The following FRMD4B variants were observed in gnomAD, a reference collection of about 807,000 sequenced individuals.
FRMD4B encodes the protein FERM domain-containing protein 4B.
Under a neutral mutation model 141.5 loss-of-function variants are expected in FRMD4B, and 74 were observed. That is an observed-to-expected ratio of 0.52 (90% CI 0.43 to 0.63). FRMD4B has a LOEUF of 0.63. Among genes scored for constraint, FRMD4B ranks in the 30% least tolerant of loss-of-function variants. The pLI, the probability that FRMD4B is intolerant of heterozygous loss-of-function variation, is 0.00. For synonymous variants in FRMD4B, 506 were observed against 467.9 expected (o/e 1.08, Z -1.05); for missense variants, 1,366 against 1,253.4 (o/e 1.09, Z -1.36).
intron 1 of FRMD4B, among the ~76,000 whole-genome samples, chr3:69,507,816 A>G (rs1012504453): frequency 3.3e-5 from 5 of 152,204 alleles, no homozygotes; most frequent in African/African-American, 1.2e-4. Context: ...CCTAAAAAAA[A>G]TTGTCAGAGT....
intron 1 of FRMD4B, among the ~76,000 whole-genome samples, chr3:69,337,808 C>T (rs1410898290): frequency 6.6e-6 from 1 of 152,186 alleles, no homozygotes; most frequent in Non-Finnish European, 1.5e-5. Context: ...CAGGAAACAA[C>T]AGGTGCTGGA....
intron 1 of FRMD4B, among the ~76,000 whole-genome samples, chr3:69,332,096 C>A (rs1445868092): frequency 5.3e-5 from 8 of 152,000 alleles, no homozygotes; most frequent in Non-Finnish European, 8.8e-5. Context: ...CAGAAAAAAA[C>A]AAACAAACAA....
chr3:69,341,484 G>C (rs1702736931), intron 1 of FRMD4B, among the ~76,000 whole-genome samples: 1 of 152,186 alleles, frequency 6.6e-6, no homozygotes, highest in South Asian at 2.1e-4. Flanking sequence ...AGTATAAATG[G>C]CTGCAGGAGT....
At chr3:69,225,225 A>T (rs1575629066) in intron 7 of FRMD4B, among the ~76,000 whole-genome samples, 1 of 152,314 alleles carries the variant, frequency 6.6e-6, no homozygotes, top group Admixed American at 6.5e-5. Flanking sequence ...TGAATAGAAG[A>T]TGACTGGAAA....
In FRMD4B at chr3:69,309,714, G is replaced by A. The variant is rs529552932; in HGVS notation, c.323+1549C>T. 1.8e-4 allele frequency among the ~76,000 whole-genome samples: 27 copies of A among 151,170 alleles called. No homozygotes were observed. The South Asian group carries it at 2.7e-3, about 15-fold the overall frequency. On this transcript the variant is annotated intron_variant, in intron 3 of 22. Transcript: ENST00000398540. Reference sequence around the variant, plus strand: ...TGCCCATCTCGGCCCTCCAAAGTGCGGGGATTACAAGTGTGAACTATCACA... The same window carrying A: ...TGCCCATCTCGGCCCTCCAAAGTGCAGGGATTACAAGTGTGAACTATCACA...
chr3:69,225,166 C>G (rs953149242), intron 7 of FRMD4B, among the ~76,000 whole-genome samples: 18 of 152,276 alleles, frequency 1.2e-4, no homozygotes, highest in African/African-American at 4.3e-4. Context: ...TACTTCCTTA[C>G]AACCCTCTGA....
chr3:69,389,197 C>A (rs1470162801), upstream of FRMD4B, among the ~76,000 whole-genome samples: 1 of 151,984 alleles, frequency 6.6e-6, no homozygotes, highest in Non-Finnish European at 1.5e-5. Context: ...CCACGCCAGG[C>A]TAATTTTTGT....
At chr3:69,200,741 T>C in intron 11 of FRMD4B, 1 of 1,164,086 alleles carries the variant, frequency 8.6e-7, no homozygotes, top group Non-Finnish European at 1.1e-6. Flanking sequence ...AGGAAGTAAG[T>C]TGCTTTGAAT....
chr3:69,382,493 TGTC>T (rs1704140639), intron 1 of FRMD4B, among the ~76,000 whole-genome samples: 2 of 152,258 alleles, frequency 1.3e-5, no homozygotes, highest in Non-Finnish European at 2.9e-5. Flanking sequence ...CCCATTTTAA[TGTC>T]ACAGATATGC....
intron 1 of FRMD4B, among the ~76,000 whole-genome samples, chr3:69,534,035 C>A (rs1037429653): frequency 5.9e-5 from 9 of 152,210 alleles, no homozygotes; most frequent in African/African-American, 1.9e-4. Context: ...TTGGCATCAC[C>A]TGGAGCTTGT....
At chr3:69,198,595 G>C in intron 12 of FRMD4B, 103 bp downstream of exon 12, 1 of 687,750 alleles carries the variant, frequency 1.5e-6, no homozygotes, top group East Asian at 2.7e-5. Context: ...ACACCCAAGA[G>C]AAATGAAAAC....
chr3:69,275,180 A>G (rs935214983), intron 5 of FRMD4B, among the ~76,000 whole-genome samples: 21 of 152,086 alleles, frequency 1.4e-4, no homozygotes, highest in African/African-American at 4.8e-4. Context: ...AATACAATTT[A>G]TGCTCTAATA....
chr3:69,320,298 A>G (rs1166216534), intron 1 of FRMD4B, among the ~76,000 whole-genome samples: 1 of 152,252 alleles, frequency 6.6e-6, no homozygotes, highest in Non-Finnish European at 1.5e-5. Flanking sequence ...AATTTACCTT[A>G]AAACCTGACC....
chr3:69,210,991 C>T (rs1002914897), intron 11 of FRMD4B, among the ~76,000 whole-genome samples: 16 of 110,930 alleles, frequency 1.4e-4, no homozygotes, highest in African/African-American at 4.4e-4. Flanking sequence ...GCACTCCACC[C>T]GGGGCAACAA....
At chr3:69,364,143 C>G (rs1703565462) in intron 1 of FRMD4B, among the ~76,000 whole-genome samples, 1 of 152,180 alleles carries the variant, frequency 6.6e-6, no homozygotes, top group Admixed American at 6.5e-5. Context: ...AAAATGAACA[C>G]AAAACAAGAG....
intron 1 of FRMD4B, among the ~76,000 whole-genome samples, chr3:69,458,849 TAA>T (rs35229515): frequency 3.3e-4 from 27 of 82,158 alleles, no homozygotes; most frequent in African/African-American, 1.1e-3. Flanking sequence ...ATGGGCTGCT[TAA>T]AAAAAAAAAA....
At chr3:69,511,505 C>T (rs907113730) in intron 1 of FRMD4B, among the ~76,000 whole-genome samples, 7 of 152,076 alleles carry the variant, frequency 4.6e-5, no homozygotes, top group African/African-American at 1.7e-4. Flanking sequence ...ATGCAGTGGG[C>T]ACATGTGGTG....
In FRMD4B at chr3:69,198,742, A is replaced by G. The variant is rs762536536; in HGVS notation, c.909T>C (p.Tyr303=). Reference sequence around the variant, plus strand: ...CAACAGCAAATTTTTTCTCACGGAAATATAAGTTCTCCAGCTGTTTCCATT... The same window carrying G: ...CAACAGCAAATTTTTTCTCACGGAAGTATAAGTTCTCCAGCTGTTTCCATT... ...LFQWKQLENL[Y]FREKKFAVEV... The change falls in exon 12 of 23, where the codon TAT becomes TAC. Residue 303 remains tyrosine (Y), a synonymous_variant. Transcript: ENST00000398540. 12 of 1,564,520 alleles carry G rather than the reference A, an allele frequency of 7.7e-6. No individual in the cohort carries two copies. The African/African-American group carries it at 1.6e-4, about 21-fold the overall frequency.
chr3:69,247,497 A>T (rs1471374556), intron 7 of FRMD4B, among the ~76,000 whole-genome samples: 1 of 152,302 alleles, frequency 6.6e-6, no homozygotes, highest in African/African-American at 2.4e-5. Context: ...GTAGAGACAC[A>T]GCAGCTTTTT....
Sources: allele counts gnomAD v4.1 joint callset (sites outside exome capture counted in the v4.1 genomes callset), GRCh38; gene constraint gnomAD v4.1.1; transcripts MANE v1.5; gene names NCBI Gene and HGNC (gene_info 2026-07-23, HGNC 2026-07-21).